The following PGPEP1L variants were observed in gnomAD, a reference collection of about 807,000 sequenced individuals.
PGPEP1L encodes the protein pyroglutamyl-peptidase 1-like protein.
Under a neutral mutation model 6.0 loss-of-function variants are expected in PGPEP1L, and 7 were observed. The ratio of observed to expected loss-of-function variants is 1.17; its 90% CI spans 0.66 to 2.19. PGPEP1L has a LOEUF of 2.19. PGPEP1L is among the 30% of genes most tolerant of loss of function. The probability of loss-of-function intolerance (pLI) is 0.00; values close to 1 mark genes in which losing one functional copy is unlikely to be tolerated. For missense variants in PGPEP1L, 209 were observed against 192.5 expected (o/e 1.09, Z -0.51); for synonymous variants, 103 against 83.9 (o/e 1.23, Z -1.24).
At chr15:98,991,512 C>G (rs934329282) in intron 2 of PGPEP1L, among the ~76,000 whole-genome samples, 1 of 152,106 alleles carries the variant, frequency 6.6e-6, no homozygotes, top group African/African-American at 2.4e-5. Context: ...GATTCATGGC[C>G]GAATTCTACT....
chr15:99,000,063 G>T (rs1419759230), intron 2 of PGPEP1L, among the ~76,000 whole-genome samples: 1 of 152,232 alleles, frequency 6.6e-6, no homozygotes, highest in African/African-American at 2.4e-5. Flanking sequence ...AGGCGCGGGC[G>T]GGAACCGGGG....
intron 2 of PGPEP1L, among the ~76,000 whole-genome samples, chr15:98,993,552 G>A (rs2017846192): frequency 6.7e-6 from 1 of 150,178 alleles, no homozygotes; most frequent in East Asian, 2.0e-4. Flanking sequence ...CAAGGATCTA[G>A]AACTAGAAAT....
chr15:98,968,760 G>A lies in PGPEP1L; in HGVS notation c.210-63C>T, dbSNP rs1250798126. ...AGCCTCTAACCTCAGTGAAACATAC[G>A]CAGAAGTGGCAATGCAACACCCACA... On this transcript the variant is annotated intron_variant, in intron 4 of 4. Coordinates refer to ENST00000535714, the MANE Select transcript of PGPEP1L (RefSeq NM_001167902.2). 5.5e-6 allele frequency: 8 copies of A among 1,450,172 alleles called. No homozygotes were observed. In the South Asian group the frequency reaches 8.6e-5, roughly 16 times the overall value. The allele number at this position is 1,450,172 out of a possible 1,614,324, so 89.8% of individuals were successfully genotyped here.
intron 2 of PGPEP1L, among the ~76,000 whole-genome samples, chr15:98,989,553 CTAT>C (rs1555471848): frequency 6.6e-6 from 1 of 152,182 alleles, no homozygotes; most frequent in African/African-American, 2.4e-5. Context: ...TTGGAAAACA[CTAT>C]TCAGGGTATT....
At chr15:98,969,274 G>T in intron 4 of PGPEP1L, 151 bp downstream of exon 4, 1 of 914,228 alleles carries the variant, frequency 1.1e-6, no homozygotes, top group Non-Finnish European at 1.7e-6. Flanking sequence ...GTGCTGGCCT[G>T]CACACAGCAA....
At chr15:98,998,976 A>AAAAC (rs113572962) in intron 2 of PGPEP1L, among the ~76,000 whole-genome samples, 9,031 of 152,158 alleles carry the variant, frequency 0.059, 858 homozygotes, top group African/African-American at 0.2. Context: ...CTGTTTCAGA[A>AAAAC]AAACAAACAA....
At chr15:98,974,444 C>A (rs921406872) in intron 2 of PGPEP1L, among the ~76,000 whole-genome samples, 2 of 151,816 alleles carry the variant, frequency 1.3e-5, no homozygotes, top group Non-Finnish European at 2.9e-5. Context: ...GATTTAACCA[C>A]GAAGAAATAA....
At chr15:98,980,122 TCAC>T (rs2017636044) in intron 2 of PGPEP1L, among the ~76,000 whole-genome samples, 1 of 152,024 alleles carries the variant, frequency 6.6e-6, no homozygotes, top group Non-Finnish European at 1.5e-5. Flanking sequence ...ATCTCACAAA[TCAC>T]CACTAAAGAA....
rs57634396 is a variant in PGPEP1L at position 98,979,049 on chromosome 15, ATT to A, written c.-141-7893_-141-7892del. Among the ~76,000 whole-genome samples, 6 of 115,850 alleles carry A rather than the reference ATT, an allele frequency of 5.2e-5. No individual in the cohort carries two copies. The East Asian group carries it at 7.3e-4, about 14-fold the overall frequency. The allele number at this position is 115,850 out of a possible 152,430, so 76.0% of individuals were successfully genotyped here. Reference sequence around the variant, plus strand: ...GGCTACAGGATATATATATATATATATTTTTATTACATTTATGGCAGCACAAA... The same window carrying A: ...GGCTACAGGATATATATATATATATATTTATTACATTTATGGCAGCACAAA... On this transcript the variant is annotated intron_variant, in intron 2 of 4. Transcript: ENST00000535714.
chr15:98,984,678 T>C (rs2017720723), intron 2 of PGPEP1L, among the ~76,000 whole-genome samples: 1 of 152,094 alleles, frequency 6.6e-6, no homozygotes, highest in Non-Finnish European at 1.5e-5. Context: ...GTACTACGAA[T>C]GAGGTCCCAA....
chr15:99,001,714 T>C (rs1454575931), intron 2 of PGPEP1L, among the ~76,000 whole-genome samples: 2 of 152,154 alleles, frequency 1.3e-5, no homozygotes, highest in Non-Finnish European at 2.9e-5. Flanking sequence ...TTGTGTTTTT[T>C]ATTTTTGCTT....
At chr15:98,985,391 T>A (rs1230451213) in intron 2 of PGPEP1L, among the ~76,000 whole-genome samples, 2 of 152,048 alleles carry the variant, frequency 1.3e-5, no homozygotes, top group African/African-American at 2.4e-5. Flanking sequence ...ATACAAAAAT[T>A]AGCTGGCGTG....
intron 2 of PGPEP1L, among the ~76,000 whole-genome samples, chr15:98,991,124 G>C (rs2017813991): frequency 6.6e-6 from 1 of 152,152 alleles, no homozygotes; most frequent in African/African-American, 2.4e-5. Flanking sequence ...TAGAATTGAA[G>C]GAGATAGAGG....
intron 2 of PGPEP1L, among the ~76,000 whole-genome samples, chr15:98,981,832 T>A (rs2017668156): frequency 6.6e-6 from 1 of 152,110 alleles, no homozygotes; most frequent in South Asian, 2.1e-4. Flanking sequence ...AATAAAAAGT[T>A]TGTCTAAAAA....
intron 2 of PGPEP1L, among the ~76,000 whole-genome samples, chr15:98,977,887 T>C (rs775046220): frequency 6.6e-6 from 1 of 152,236 alleles, no homozygotes; most frequent in Non-Finnish European, 1.5e-5. Flanking sequence ...TATTATGTCT[T>C]ATTTATTGAC....
intron 2 of PGPEP1L, chr15:99,001,128 C>T: frequency 6.7e-6 from 3 of 446,324 alleles, no homozygotes; most frequent in South Asian, 4.7e-5. Flanking sequence ...TGAACACATC[C>T]AAACATCAGT....
Position 98,969,505 on chromosome 15 carries a change from C to T in PGPEP1L, c.129G>A (p.Glu43=). 1 of 1,614,094 alleles carries T rather than the reference C, an allele frequency of 6.2e-7. No homozygotes were observed. The highest frequency in any genetic ancestry group is 1.7e-5 in the Admixed American group (1 of 60,034). ...VCLPGSPDVL[E]SGVCMKAVCK... ...AGACTGCCTTCATGCAGACCCCTGACTCCAGCACGTCTGGGCTGCCAGGTA... is the reference window on the plus strand; with the variant it reads ...AGACTGCCTTCATGCAGACCCCTGATTCCAGCACGTCTGGGCTGCCAGGTA... The change falls in exon 4 of 5, where the codon GAG becomes GAA. Residue 43 remains glutamate, a synonymous_variant. Coordinates refer to ENST00000535714, the MANE Select transcript of PGPEP1L (RefSeq NM_001167902.2).
rs920110424 is a variant in PGPEP1L, at chr15:98,969,279, C to T, written c.209+146G>A. On this transcript the variant is annotated intron_variant, in intron 4 of 4. Transcript: ENST00000535714. ...GTGAGCAACTGTGCTGGCCTGCACA[C>T]AGCAAAGAGGGGCAATCTGGGGGCG... The T allele has an allele frequency of 2.4e-5, 23 of 975,108 alleles. No individual in the cohort carries two copies. The African/African-American group carries it at 3.5e-4, about 15-fold the overall frequency. The allele number at this position is 975,108 out of a possible 1,614,324, so 60.4% of individuals were successfully genotyped here.
chr15:98,969,431 G>C lies in PGPEP1L; in HGVS notation c.203C>G (p.Ala68Gly). ...TGACACCCACAGAGCATACCTGCCT[G>C]CATCTCGGGAAAAGATCACGTCGAC... ...EGVDVIFSRD[A>G]GRYVCDYTYY... The change falls in exon 4 of 5, where the codon GCA becomes GGA. Residue 68 changes from alanine (A) to glycine (G), a missense_variant. By Grantham distance (60) the Ala-to-Gly change is moderately conservative. Coordinates refer to ENST00000535714, the MANE Select transcript of PGPEP1L (RefSeq NM_001167902.2). The C allele has an allele frequency of 6.2e-7, 1 of 1,614,006 alleles. No individual in the cohort carries two copies. The highest frequency in any genetic ancestry group is 8.5e-7 in the Non-Finnish European group (1 of 1,179,906).
Sources: allele counts gnomAD v4.1 joint callset (sites outside exome capture counted in the v4.1 genomes callset), GRCh38; gene constraint gnomAD v4.1.1; transcripts MANE v1.5; gene names NCBI Gene and HGNC (gene_info 2026-07-23, HGNC 2026-07-21).